SDHC: variants seen among roughly 807,000 people sequenced by gnomAD.
The protein encoded by SDHC is succinate dehydrogenase cytochrome b560 subunit, mitochondrial.
A neutral mutation model predicts 22.6 loss-of-function variants in SDHC; 11 were observed. That is an observed-to-expected ratio of 0.49 (90% CI 0.31 to 0.81). The LOEUF (loss-of-function observed/expected upper bound fraction) is 0.81. SDHC is among the 30% of genes least tolerant of loss of function. The probability of loss-of-function intolerance (pLI) is 0.05; values close to 1 mark genes in which losing one functional copy is unlikely to be tolerated. For synonymous variants in SDHC, 80 were observed against 77.8 expected, an observed-to-expected ratio of 1.03 and a Z score of -0.15; for missense variants, 160 against 212.0, an observed-to-expected ratio of 0.75 and a Z score of 1.52.
At chr1:161,361,469 A>G (rs1387824582) in intron 5 of SDHC, among the ~76,000 whole-genome samples, 2 of 152,148 alleles carry the variant, frequency 1.3e-5, no homozygotes, top group Admixed American at 1.3e-4. Flanking sequence ...CCCTCTATAA[A>G]AAGATTCTGA....
chr1:161,323,191 G>A (rs1052775460), intron 1 of SDHC, among the ~76,000 whole-genome samples: 6 of 151,868 alleles, frequency 4.0e-5, no homozygotes, highest in Non-Finnish European at 5.9e-5. Flanking sequence ...GTAGAGACGG[G>A]GTTTCACCGT....
intron 4 of SDHC, among the ~76,000 whole-genome samples, chr1:161,346,298 C>T (rs757199360): frequency 2.0e-5 from 3 of 152,148 alleles, no homozygotes; most frequent in Non-Finnish European, 4.4e-5. Context: ...TCTAATTAAC[C>T]TCCTGTTACA....
At chr1:161,344,885 A>G (rs1671841398) in intron 4 of SDHC, among the ~76,000 whole-genome samples, 1 of 152,250 alleles carries the variant, frequency 6.6e-6, no homozygotes, top group Admixed American at 6.5e-5. Context: ...ACCGAATGGC[A>G]AGAGAAATTG....
At chr1:161,320,579 T>A (rs1222062585) in intron 1 of SDHC, among the ~76,000 whole-genome samples, 1 of 152,122 alleles carries the variant, frequency 6.6e-6, no homozygotes, top group African/African-American at 2.4e-5. Flanking sequence ...TGGATGAGTA[T>A]TTTTGTCACC....
Position 161,362,453 on chromosome 1 carries a change from T to G in SDHC, c.*20T>G, listed in dbSNP as rs587778662. 1.9e-5 allele frequency: 31 copies of G among 1,612,818 alleles called. No homozygotes were observed. Among genetic ancestry groups the G allele is most frequent in the Non-Finnish European group, 2.4e-5 (28 of 1,179,488 alleles). On this transcript the variant is annotated 3_prime_UTR_variant, in exon 6 of 6. Transcript: ENST00000367975. ...ATGTGAAGAAAGGAGGCTCCCAGCA[T>G]CATCTTCCTACACATTATTACATTC...
intron 2 of SDHC, among the ~76,000 whole-genome samples, chr1:161,325,044 TTAAAAAA>T (rs1253420516): frequency 2.1e-5 from 3 of 142,590 alleles, no homozygotes; most frequent in African/African-American, 5.3e-5. Flanking sequence ...CTACAAAAAA[TTAAAAAA>T]TAAAAAATTA....
chr1:161,323,850 C>A (rs1327762045), intron 2 of SDHC, among the ~76,000 whole-genome samples, 180 bp downstream of exon 2: 1 of 151,906 alleles, frequency 6.6e-6, no homozygotes, highest in East Asian at 1.9e-4. Flanking sequence ...CGCCCACCAC[C>A]ACGCCTGGCT....
At chr1:161,317,881 A>G (rs1298826914) in intron 1 of SDHC, among the ~76,000 whole-genome samples, 8 of 151,804 alleles carry the variant, frequency 5.3e-5, no homozygotes, top group Non-Finnish European at 4.4e-5. Flanking sequence ...TAACATAATA[A>G]TAACAATTGT....
At chr1:161,335,293 C>G (rs1671432172) in intron 3 of SDHC, among the ~76,000 whole-genome samples, 1 of 152,120 alleles carries the variant, frequency 6.6e-6, no homozygotes, top group African/African-American at 2.4e-5. Context: ...TGCTAGATTT[C>G]TCTACTGTAA....
At chr1:161,338,367 T>C (rs59559479) in intron 3 of SDHC, among the ~76,000 whole-genome samples, 17,774 of 152,176 alleles carry the variant, frequency 0.12, 1,390 homozygotes, top group African/African-American at 0.22. Context: ...TTTTAACCTC[T>C]TTATTTCTCT....
At chr1:161,345,829 G>A (rs112714776) in intron 4 of SDHC, among the ~76,000 whole-genome samples, 17,733 of 146,968 alleles carry the variant, frequency 0.12, 1,405 homozygotes, top group African/African-American at 0.22. Flanking sequence ...TTTTTGAGAC[G>A]GAGTCTTGCT....
At chr1:161,338,301 T>C (rs991204360) in intron 3 of SDHC, among the ~76,000 whole-genome samples, 1 of 152,232 alleles carries the variant, frequency 6.6e-6, no homozygotes. Flanking sequence ...GGAATACTCC[T>C]TTCTTACTTA....
At chr1:161,335,621 G>A (rs78565828) in intron 3 of SDHC, among the ~76,000 whole-genome samples, 3 of 152,182 alleles carry the variant, frequency 2.0e-5, no homozygotes, top group East Asian at 3.9e-4. Context: ...TGTTCAAATT[G>A]TCTCAGACCT....
chr1:161,319,575 T>C (rs1670767621), intron 1 of SDHC, among the ~76,000 whole-genome samples: 1 of 151,902 alleles, frequency 6.6e-6, no homozygotes, highest in South Asian at 2.1e-4. Flanking sequence ...GCCACCCGGG[T>C]AGCTGGCATT....
intron 1 of SDHC, chr1:161,314,703 A>G (rs996402749): frequency 1.9e-5 from 10 of 533,960 alleles, no homozygotes; most frequent in African/African-American, 1.7e-4. Flanking sequence ...TTCTAACGCA[A>G]ATTGCTCTCG....
At chr1:161,358,692 C>T (rs369505944) in intron 5 of SDHC, among the ~76,000 whole-genome samples, 7 of 151,634 alleles carry the variant, frequency 4.6e-5, no homozygotes, top group Non-Finnish European at 7.4e-5. Flanking sequence ...TTTGGGAGGC[C>T]GAGGCGGGCG....
chr1:161,319,418 A>C (rs776242944), intron 1 of SDHC, among the ~76,000 whole-genome samples: 15 of 151,660 alleles, frequency 9.9e-5, no homozygotes, highest in Non-Finnish European at 2.2e-4. Context: ...TGATCTTGCT[A>C]TCCAGGAATT....
intron 3 of SDHC, among the ~76,000 whole-genome samples, chr1:161,339,367 G>A (rs1157300924): frequency 8.1e-6 from 1 of 122,910 alleles, no homozygotes; most frequent in Admixed American, 8.1e-5. Flanking sequence ...TTTTTTTTTC[G>A]TAAAGATGGG....
chr1:161,362,520 A>G lies in SDHC; in HGVS notation c.*87A>G, dbSNP rs1465546034. On this transcript the variant is annotated 3_prime_UTR_variant, in exon 6 of 6. Coordinates refer to ENST00000367975, the MANE Select transcript of SDHC (RefSeq NM_003001.5). ...GTCATTCTTATCTCCAGCCTGGGAAAAGTTCTCCTTATTTGTTTAGATCCT... is the reference window on the plus strand; with the variant it reads ...GTCATTCTTATCTCCAGCCTGGGAAGAGTTCTCCTTATTTGTTTAGATCCT... 6.2e-7 allele frequency: 1 copy of G among 1,608,988 alleles called. No homozygotes were observed. Among genetic ancestry groups the G allele is most frequent in the African/African-American group, 1.3e-5 (1 of 74,780 alleles).
Sources: gnomAD v4.1 joint callset for allele counts (sites outside exome capture counted in the v4.1 genomes callset) on GRCh38, gnomAD v4.1.1 for gene constraint, MANE v1.5 for transcripts, NCBI Gene and HGNC (gene_info 2026-07-23, HGNC 2026-07-21) for gene names.